CTNND2: variants seen among roughly 807,000 people sequenced by gnomAD.
CTNND2 encodes the protein catenin delta-2.
A neutral mutation model predicts 144.4 loss-of-function variants in CTNND2; 22 were observed. The ratio of observed to expected loss-of-function variants is 0.15; its 90% confidence interval spans 0.11 to 0.22. The LOEUF (loss-of-function observed/expected upper bound fraction) is 0.22, where lower values mean the gene tolerates loss of function less well. Among genes scored for constraint, CTNND2 ranks in the 10% least tolerant of loss-of-function variants. CTNND2 has a pLI of 1.00. For missense variants in CTNND2, 1,353 were observed against 1,618.8 expected (o/e 0.84, Z 2.82); for synonymous variants, 751 against 695.6 (o/e 1.08, Z -1.25).
chr5:11,011,675 C>G (rs1741098828), intron 18 of CTNND2, among the ~76,000 whole-genome samples: 2 of 152,200 alleles, frequency 1.3e-5, no homozygotes, highest in South Asian at 4.1e-4. Context: ...CTGACCCTTT[C>G]CATAGTAACT....
chr5:11,348,937 T>C (rs1755070046), intron 8 of CTNND2, among the ~76,000 whole-genome samples: 1 of 152,152 alleles, frequency 6.6e-6, no homozygotes, highest in Admixed American at 6.5e-5. Flanking sequence ...ATGAATGTTA[T>C]TGGGTTCCTA....
At chr5:11,769,119 C>G (rs1281588029) in intron 1 of CTNND2, among the ~76,000 whole-genome samples, 2 of 152,140 alleles carry the variant, frequency 1.3e-5, no homozygotes, top group Admixed American at 6.6e-5. Context: ...GCATCAGACT[C>G]AGAACTTAAA....
intron 2 of CTNND2, among the ~76,000 whole-genome samples, chr5:11,674,477 C>G (rs1363325196): frequency 6.6e-6 from 1 of 152,160 alleles, no homozygotes; most frequent in Non-Finnish European, 1.5e-5. Context: ...CATCCCCCAC[C>G]AAAGAGGTAC....
At chr5:11,513,429 C>T (rs113548170) in intron 3 of CTNND2, among the ~76,000 whole-genome samples, 30 of 152,188 alleles carry the variant, frequency 2.0e-4, no homozygotes, top group Non-Finnish European at 3.5e-4. Context: ...ATTAGACAGG[C>T]TGCAAAGGGT....
At chr5:11,816,360 A>G (rs1792655255) in intron 1 of CTNND2, among the ~76,000 whole-genome samples, 1 of 151,892 alleles carries the variant, frequency 6.6e-6, no homozygotes, top group South Asian at 2.1e-4. Context: ...GAACACAGAA[A>G]CCAGATGTGG....
At chr5:11,547,107 A>C (rs2727587) in intron 3 of CTNND2, among the ~76,000 whole-genome samples, 35,339 of 151,756 alleles carry the variant, frequency 0.23, 5,084 homozygotes, top group African/African-American at 0.41. Flanking sequence ...CGTCTCTACT[A>C]AAAATACAAA....
At position 11,081,452 on chromosome 5, in the gene CTNND2, G is replaced by C. The variant is rs532974099; in HGVS notation, c.2788+1244C>G. Among the ~76,000 whole-genome samples, 3 of 152,280 alleles carry C rather than the reference G, an allele frequency of 2.0e-5. No homozygotes were observed. The East Asian group carries it at 5.8e-4, about 29-fold the overall frequency. On this transcript the variant is annotated intron_variant, in intron 16 of 21. Transcript: ENST00000304623. ...ATGCTTAGGACCAGAAGTGTTTTCG[G>C]ATTTTAGATGTTTTCGGATTTGGGA... is the stretch of plus-strand genomic sequence containing the variant.
rs1051930629 is a variant in CTNND2, at chr5:11,458,706, G to T, written c.288-46637C>A. ...TACTTCCCTCTTGGAGATTCATAAGGTACAACTTTAGCAGAGGTTATGGTG... is the reference window on the plus strand; with the variant it reads ...TACTTCCCTCTTGGAGATTCATAAGTTACAACTTTAGCAGAGGTTATGGTG... On this transcript the variant is annotated intron_variant, in intron 3 of 21. Coordinates refer to ENST00000304623, the MANE Select transcript of CTNND2 (RefSeq NM_001332.4). Among the ~76,000 whole-genome samples the T allele has an allele frequency of 3.9e-5, 6 of 152,126 alleles. No homozygotes were observed. The South Asian group carries it at 1.0e-3, about 26-fold the overall frequency.
intron 2 of CTNND2, among the ~76,000 whole-genome samples, chr5:11,652,592 T>C (rs1181287365): frequency 6.6e-6 from 1 of 152,244 alleles, no homozygotes; most frequent in African/African-American, 2.4e-5. Context: ...TATTTTCCTT[T>C]TTAAATTTTA....
chr5:11,541,605 C>T (rs1413794378), intron 3 of CTNND2, among the ~76,000 whole-genome samples: 1 of 152,148 alleles, frequency 6.6e-6, no homozygotes, highest in Non-Finnish European at 1.5e-5. Context: ...CTTGAACTTG[C>T]ATTTTTCTGT....
intron 11 of CTNND2, among the ~76,000 whole-genome samples, chr5:11,165,460 A>G (rs1157228993): frequency 6.6e-6 from 1 of 152,226 alleles, no homozygotes; most frequent in Non-Finnish European, 1.5e-5. Context: ...AACATGAAAA[A>G]TGGTTTAATA....
chr5:11,307,480 G>A (rs1008706181), intron 9 of CTNND2, among the ~76,000 whole-genome samples: 5 of 152,020 alleles, frequency 3.3e-5, no homozygotes, highest in Non-Finnish European at 7.4e-5. Flanking sequence ...AATATGACAG[G>A]GGCCAAGGGG....
intron 15 of CTNND2, among the ~76,000 whole-genome samples, chr5:11,093,288 C>T (rs545362087): frequency 1.1e-4 from 16 of 152,068 alleles, no homozygotes; most frequent in Non-Finnish European, 1.5e-4. Flanking sequence ...AATCCATAAA[C>T]GGGAGTTAAA....
At chr5:11,699,491 A>T (rs1785318697) in intron 2 of CTNND2, among the ~76,000 whole-genome samples, 1 of 152,164 alleles carries the variant, frequency 6.6e-6, no homozygotes, top group African/African-American at 2.4e-5. Flanking sequence ...AAATTGAATA[A>T]AAAGTCTAAA....
intron 9 of CTNND2, among the ~76,000 whole-genome samples, chr5:11,321,808 T>C (rs187612938): frequency 1.2e-4 from 18 of 152,220 alleles, no homozygotes; most frequent in African/African-American, 4.3e-4. Context: ...CCTAGAGATT[T>C]TCAGCATGAA....
intron 2 of CTNND2, among the ~76,000 whole-genome samples, chr5:11,612,737 C>A (rs1241298357): frequency 1.3e-5 from 2 of 151,836 alleles, no homozygotes; most frequent in Non-Finnish European, 2.9e-5. Flanking sequence ...CCCACCTCTA[C>A]AAAAAATAAA....
chr5:11,854,604 T>C (rs1455539584), intron 1 of CTNND2, among the ~76,000 whole-genome samples: 1 of 152,234 alleles, frequency 6.6e-6, no homozygotes, highest in Non-Finnish European at 1.5e-5. Flanking sequence ...AGTAAGTGAA[T>C]ACTCAAAACT....
At chr5:11,830,522 A>T (rs1484248980) in intron 1 of CTNND2, among the ~76,000 whole-genome samples, 1 of 152,210 alleles carries the variant, frequency 6.6e-6, no homozygotes, top group Non-Finnish European at 1.5e-5. Flanking sequence ...TCCATGTAAG[A>T]TGGGACTTGT....
At chr5:10,994,616 T>C (rs1579981757) in intron 18 of CTNND2, among the ~76,000 whole-genome samples, 1 of 152,034 alleles carries the variant, frequency 6.6e-6, no homozygotes. Flanking sequence ...AACCAGACCC[T>C]GGTGACACAG....
Sources: allele counts gnomAD v4.1 joint callset (sites outside exome capture counted in the v4.1 genomes callset), GRCh38; gene constraint gnomAD v4.1.1; transcripts MANE v1.5; gene names NCBI Gene and HGNC (gene_info 2026-07-23, HGNC 2026-07-21).